The following VPS37A variants were observed in gnomAD, a reference collection of about 807,000 sequenced individuals.
The protein encoded by VPS37A is VPS37A subunit of ESCRT-I.
VPS37A carries 30 observed loss-of-function variants against 49.8 expected under a neutral mutation model. That is an observed-to-expected ratio of 0.60 (90% confidence interval 0.45 to 0.82). The LOEUF is 0.82. VPS37A is among the 40% of genes least tolerant of loss of function. The pLI is 0.00. For synonymous variants in VPS37A, 195 were observed against 160.6 expected (o/e 1.21, Z -1.62); for missense variants, 593 against 464.4 (o/e 1.28, Z -2.55).
chr8:17,290,166 C>G (rs976499487), intron 11 of VPS37A, among the ~76,000 whole-genome samples: 1 of 152,192 alleles, frequency 6.6e-6, no homozygotes, highest in African/African-American at 2.4e-5. Flanking sequence ...TTGACTTCCT[C>G]TTTTCCTATT....
intron 1 of VPS37A, among the ~76,000 whole-genome samples, chr8:17,254,065 G>C (rs1221959889): frequency 6.6e-6 from 1 of 152,028 alleles, no homozygotes; most frequent in African/African-American, 2.4e-5. Context: ...TTGCTCTTGA[G>C]TTTTTTATGT....
At chr8:17,325,610 T>C in the VPS37A span, among the ~76,000 whole-genome samples, 3 of 152,140 alleles carry the variant, frequency 2.0e-5, no homozygotes, top group Non-Finnish European at 4.4e-5. Context: ...TCCCACATGC[T>C]CTGGGCTCAC....
chr8:17,311,526 A>C, the VPS37A span: 1 of 1,614,162 alleles, frequency 6.2e-7, no homozygotes. Flanking sequence ...AGCCCTTCAG[A>C]GTCCGGTAGT....
intron 4 of VPS37A, among the ~76,000 whole-genome samples, chr8:17,271,193 C>G (rs1585995122): frequency 1.3e-5 from 2 of 152,072 alleles, no homozygotes; most frequent in East Asian, 3.9e-4. Flanking sequence ...CCCTTGTTTC[C>G]AAGTGCATAG....
intron 1 of VPS37A, among the ~76,000 whole-genome samples, chr8:17,253,740 A>C (rs977501339): frequency 5.9e-5 from 9 of 152,194 alleles, no homozygotes; most frequent in Admixed American, 3.9e-4. Context: ...TGTACATCTC[A>C]GTCATTATCA....
At chr8:17,300,336 T>C (rs1817034035), downstream of VPS37A, 3 of 1,195,818 alleles carry the variant, frequency 2.5e-6, no homozygotes, top group Admixed American at 2.8e-5. Flanking sequence ...GTTAAGAACA[T>C]GTGACTCAGA....
intron 5 of VPS37A, among the ~76,000 whole-genome samples, chr8:17,275,279 G>A (rs1586013374): frequency 6.6e-6 from 1 of 152,230 alleles, no homozygotes; most frequent in African/African-American, 2.4e-5. Context: ...CACTTTCTTA[G>A]TGCCTCAAAT....
At chr8:17,290,134 G>T (rs1816001843) in intron 11 of VPS37A, among the ~76,000 whole-genome samples, 1 of 152,170 alleles carries the variant, frequency 6.6e-6, no homozygotes, top group Non-Finnish European at 1.5e-5. Context: ...ATACAATCGG[G>T]TCATCTGCAA....
intron 1 of VPS37A, chr8:17,248,219 C>T (rs933612945): frequency 2.4e-6 from 1 of 417,106 alleles, no homozygotes. Flanking sequence ...CAGTTTCACA[C>T]TATTTTAAAT....
chr8:17,262,996 G>T (rs1182504766), intron 1 of VPS37A, among the ~76,000 whole-genome samples: 1 of 151,100 alleles, frequency 6.6e-6, no homozygotes, highest in African/African-American at 2.4e-5. Flanking sequence ...GGGAGGCAGA[G>T]GTTGCAGTGA....
chr8:17,279,986 G>A (rs777746996), intron 6 of VPS37A, 42 bp from the exon 7 acceptor site: 27 of 1,606,516 alleles, frequency 1.7e-5, no homozygotes, highest in Non-Finnish European at 2.0e-5. Flanking sequence ...AGAAAAACTC[G>A]ATGTCTGATA....
intron 11 of VPS37A, 138 bp from the exon 12 acceptor site, chr8:17,294,849 G>A (rs1467273538): frequency 6.6e-6 from 1 of 152,232 alleles, no homozygotes; most frequent in Non-Finnish European, 1.5e-5. Flanking sequence ...CTCCCTGGGA[G>A]CTGCAGACTG....
downstream of VPS37A, chr8:17,304,252 C>G: frequency 9.9e-7 from 1 of 1,013,792 alleles, no homozygotes; most frequent in Non-Finnish European, 1.4e-6. Context: ...AAGCATCTCC[C>G]TCTGGTGTCT....
chr8:17,279,911 A>G (rs750963897), intron 6 of VPS37A, 117 bp from the exon 7 acceptor site: 9 of 1,274,988 alleles, frequency 7.1e-6, no homozygotes, highest in South Asian at 1.2e-5. Context: ...TTAGGTGTAT[A>G]TGTAAAAATT....
chr8:17,302,991 G>A (rs964682264), downstream of VPS37A, among the ~76,000 whole-genome samples: 5 of 152,040 alleles, frequency 3.3e-5, no homozygotes, highest in East Asian at 5.8e-4. Context: ...GATTATAGGC[G>A]GGAGCCACCA....
At position 17,295,598 on chromosome 8, in the gene VPS37A, T is replaced by C. The variant is rs889570312; in HGVS notation, c.*612T>C. 1 of 152,456 alleles carries C rather than the reference T, an allele frequency of 6.6e-6. No homozygotes were observed. The highest frequency in any genetic ancestry group is 1.5e-5 in the Non-Finnish European group (1 of 67,994). 9.4% of individuals were successfully genotyped at this position (152,456 alleles called of 1,614,324 possible). On this transcript the variant is annotated 3_prime_UTR_variant, in exon 12 of 12. Transcript: ENST00000324849. Reference sequence around the variant, plus strand: ...ATTGTTTCATTTTTAAAACTAAAGATGCATTTAAGAAGCAATACAAGTAAA... The same window carrying C: ...ATTGTTTCATTTTTAAAACTAAAGACGCATTTAAGAAGCAATACAAGTAAA...
the VPS37A span, among the ~76,000 whole-genome samples, chr8:17,330,194 G>A: frequency 5.9e-4 from 90 of 152,318 alleles, no homozygotes; most frequent in Non-Finnish European, 1.0e-3. Flanking sequence ...AACGAAGAAC[G>A]GCTTAAGTAA....
chr8:17,257,275 G>T (rs2150356217), intron 1 of VPS37A, among the ~76,000 whole-genome samples: 1 of 152,138 alleles, frequency 6.6e-6, no homozygotes, highest in African/African-American at 2.4e-5. Context: ...ATTGGTCTGT[G>T]TGTTTGTTTT....
intron 1 of VPS37A, chr8:17,247,860 C>A: frequency 4.5e-6 from 3 of 673,920 alleles, no homozygotes; most frequent in Non-Finnish European, 8.1e-6. Flanking sequence ...CTGAGAGTCA[C>A]TTATCACGTA....
Sources: allele counts gnomAD v4.1 joint callset (sites outside exome capture counted in the v4.1 genomes callset), GRCh38; gene constraint gnomAD v4.1.1; transcripts MANE v1.5; gene names NCBI Gene and HGNC (gene_info 2026-07-23, HGNC 2026-07-21).